STRIP2: variants seen among roughly 807,000 people sequenced by gnomAD.
The protein encoded by STRIP2 is striatin interacting protein 2, also known as striatin-interacting protein 2.
In STRIP2, 84 loss-of-function variants were observed where a neutral mutation model predicts 107.1. That is an observed-to-expected ratio of 0.78 (90% confidence interval 0.66 to 0.94). The LOEUF is 0.94. STRIP2 is among the 40% of genes least tolerant of loss of function. The probability of loss-of-function intolerance (pLI) is 0.00; values close to 1 mark genes in which losing one functional copy is unlikely to be tolerated. For synonymous variants in STRIP2, 394 were observed against 400.4 expected (o/e 0.98, Z 0.19); for missense variants, 888 against 1,034.2 (o/e 0.86, Z 1.94).
intron 16 of STRIP2, 73 bp downstream of exon 16, chr7:129,464,811 A>G (rs1392520029): frequency 1.3e-6 from 2 of 1,591,682 alleles, no homozygotes; most frequent in Non-Finnish European, 1.7e-6. Flanking sequence ...GAAGGATGCA[A>G]AGTCCCTTTT....
chr7:129,475,572 TTA>T lies in STRIP2; in HGVS notation c.1944+4859_1944+4860del, dbSNP rs1491006623. Among the ~76,000 whole-genome samples the T allele has an allele frequency of 5.8e-5, 7 of 121,204 alleles. No homozygotes were observed. In the South Asian group the frequency reaches 1.3e-3, roughly 22 times the overall value. 79.5% of individuals were successfully genotyped at this position (121,204 alleles called of 152,430 possible). A position where few individuals can be genotyped will look rare whatever the true frequency, so the allele number is the denominator to read the frequency against. On this transcript the variant is annotated intron_variant, in intron 18 of 20. Coordinates refer to ENST00000249344, the MANE Select transcript of STRIP2 (RefSeq NM_020704.3). Reference sequence around the variant, plus strand: ...TTTTTTCTTTTTTTTTTTTTTCTTTTTATTTTTTTTTATTGATCATTCTTGGG... The same window carrying T: ...TTTTTTCTTTTTTTTTTTTTTCTTTTTTTTTTTTTATTGATCATTCTTGGG...
intron 20 of STRIP2, among the ~76,000 whole-genome samples, chr7:129,485,308 T>G (rs1355479770): frequency 6.6e-6 from 1 of 152,146 alleles, no homozygotes; most frequent in East Asian, 1.9e-4. Context: ...CTCATTTCCT[T>G]TCTCATAGGT....
rs546295275 is a variant in STRIP2 at position 129,480,323 on chromosome 7, G to C, written c.1945-462G>C. Among the ~76,000 whole-genome samples, 6 of 152,250 alleles carry C rather than the reference G, an allele frequency of 3.9e-5. 1 individual carries two copies. Among genetic ancestry groups the C allele is most frequent in the Admixed American group, 2.6e-4 (4 of 15,304 alleles). On this transcript the variant is annotated intron_variant, in intron 18 of 20. Transcript: ENST00000249344. ...CTAACTGTAATATGGTTTGATAAAG[G>C]AGGGTGAAGGTTGATAAGATAAAAA... is the stretch of plus-strand genomic sequence containing the variant.
At chr7:129,454,115 C>T (rs1174269172) in intron 5 of STRIP2, 27 bp from the exon 6 acceptor site, 4 of 1,606,594 alleles carry the variant, frequency 2.5e-6, no homozygotes, top group Admixed American at 1.7e-5. Context: ...CTTATGCATT[C>T]CTGTTCTTTT....
chr7:129,444,195 C>A, intron 3 of STRIP2, 97 bp downstream of exon 3: 1 of 818,012 alleles, frequency 1.2e-6, no homozygotes, highest in Non-Finnish European at 2.0e-6. Context: ...GATCCTTCAT[C>A]CCCTCTGTAT....
At chr7:129,440,146 G>A (rs879278029) in intron 2 of STRIP2, 55 bp downstream of exon 2, 10 of 1,416,484 alleles carry the variant, frequency 7.1e-6, no homozygotes, top group African/African-American at 2.8e-5. Context: ...GGAGAGGGAA[G>A]GGGCCTGTGA....
At chr7:129,467,222 G>C in intron 16 of STRIP2, 128 bp from the exon 17 acceptor site, 1 of 688,684 alleles carries the variant, frequency 1.5e-6, no homozygotes, top group Non-Finnish European at 2.5e-6. Flanking sequence ...CAGGAAGACT[G>C]ATAACACAAG....
At position 129,458,217 on chromosome 7, in the gene STRIP2, A is replaced by G. The variant is rs367906523; in HGVS notation, c.1041A>G (p.Gln347=). The change falls in exon 10 of 21, where the codon CAA becomes CAG. Residue 347 remains glutamine (Q), a splice_region_variant and synonymous_variant. Transcript: ENST00000249344. This position sits in a 1 kb window ranked among gnomAD's most constrained non-coding sequence, Gnocchi z 4.6. ...KLRGRRGSRR[Q]LLTKQDSLDI... ...ACCCTCCCTTCTTTCCCCTCCAGCA[A>G]CTCCTCACTAAGCAGGACAGCCTGG... is the stretch of plus-strand genomic sequence containing the variant. 21 of 1,613,372 alleles carry G rather than the reference A, an allele frequency of 1.3e-5. No homozygotes were observed. The highest frequency in any genetic ancestry group is 2.7e-5 in the African/African-American group (2 of 74,842).
intron 13 of STRIP2, 62 bp from the exon 14 acceptor site, chr7:129,462,904 G>T: frequency 7.0e-7 from 1 of 1,433,880 alleles, no homozygotes; most frequent in South Asian, 1.2e-5. Flanking sequence ...TCACAACCAA[G>T]AAAAAAAAGC....
At position 129,459,518 on chromosome 7, in the gene STRIP2, G is replaced by A. The variant is rs1562905901; in HGVS notation, c.1342G>A (p.Asp448Asn). The stretch of plus-strand genomic sequence containing the variant: ...TCTGGTATGTCTGGCCTTTTACAGG[G>A]ACACAGATACATTGGTTGGATTACC... ...NKFIGFTLGQDTDTLVGLPRP... is the reference protein window; with the variant it reads ...NKFIGFTLGQNTDTLVGLPRP... The change falls in exon 12 of 21, where the codon GAC becomes AAC. Residue 448 changes from aspartate to asparagine, a missense_variant and splice_region_variant. Asp to Asn is a conservative substitution (Grantham distance 23). Transcript: ENST00000249344. 8.1e-6 allele frequency: 13 copies of A among 1,613,814 alleles called. No individual in the cohort carries two copies. The East Asian group carries it at 2.9e-4, about 36-fold the overall frequency.
At chr7:129,455,133 T>C in intron 7 of STRIP2, 111 bp from the exon 8 acceptor site, 1 of 1,312,220 alleles carries the variant, frequency 7.6e-7, no homozygotes, top group East Asian at 2.6e-5. Context: ...ACTCTGGTAT[T>C]CTTCAGGGGA....
chr7:129,487,945 C>T lies in STRIP2; in HGVS notation c.*2116C>T, dbSNP rs1029367984. 1 of 152,164 alleles carries T rather than the reference C, an allele frequency of 6.6e-6. No individual in the cohort carries two copies. The highest frequency in any genetic ancestry group is 1.5e-5 in the Non-Finnish European group (1 of 68,028). The allele number at this position is 152,164 out of a possible 1,614,324, so 9.4% of individuals were successfully genotyped here. A position where few individuals can be genotyped will look rare whatever the true frequency, so the allele number is the denominator to read the frequency against. ...TCTAAGGGAAGGTTACTTCTCAGTG[C>T]AGATGGAGAAACTGAAGCACTAAGG... is the stretch of plus-strand genomic sequence containing the variant. On this transcript the variant is annotated 3_prime_UTR_variant, in exon 21 of 21. Coordinates refer to ENST00000249344, the MANE Select transcript of STRIP2 (RefSeq NM_020704.3).
rs1554385257 is a variant in STRIP2 at position 129,480,899 on chromosome 7, G to GT, written c.2049+16dup. Reference sequence around the variant, plus strand: ...ACATTCCCGGACCATGGTGAGTGTGGTTTTTTACATCATGGAGTTGTCCAT... The same window carrying GT: ...ACATTCCCGGACCATGGTGAGTGTGGTTTTTTTACATCATGGAGTTGTCCAT... On this transcript the variant is annotated intron_variant, in intron 19 of 20. Transcript: ENST00000249344. The GT allele has an allele frequency of 5.6e-6, 9 of 1,598,648 alleles. No individual in the cohort carries two copies. The highest frequency in any genetic ancestry group is 2.2e-5 in the East Asian group (1 of 44,660).
intron 7 of STRIP2, 27 bp from the exon 8 acceptor site, chr7:129,455,217 C>T: frequency 6.3e-7 from 1 of 1,590,886 alleles, no homozygotes; most frequent in East Asian, 2.3e-5. Flanking sequence ...TCCTCACTTT[C>T]TCACTCCCCT....
At chr7:129,462,201 C>T (rs1257254453) in intron 13 of STRIP2, among the ~76,000 whole-genome samples, 4 of 152,166 alleles carry the variant, frequency 2.6e-5, no homozygotes, top group Non-Finnish European at 4.4e-5. Flanking sequence ...GCCAGGATTG[C>T]CAGGCTCTGT....
intron 8 of STRIP2, among the ~76,000 whole-genome samples, 193 bp from the exon 9 acceptor site, chr7:129,456,246 C>T (rs1798349115): frequency 6.6e-6 from 1 of 151,520 alleles, no homozygotes; most frequent in African/African-American, 2.4e-5. Flanking sequence ...TATCCTGACC[C>T]CTGAGCTCCT....
intron 3 of STRIP2, among the ~76,000 whole-genome samples, chr7:129,447,883 T>A (rs1027358948): frequency 6.6e-6 from 1 of 152,248 alleles, no homozygotes; most frequent in Admixed American, 6.5e-5. Flanking sequence ...ACAGGTCAAA[T>A]GCGAGAGTTG....
chr7:129,454,470 C>T lies in STRIP2; in HGVS notation c.649C>T (p.Arg217Ter), dbSNP rs200516125. The change falls in exon 7 of 21, where the codon CGA becomes TGA. Residue 217 changes from arginine to a stop codon, truncating the protein, a stop_gained. Coordinates refer to ENST00000249344, the MANE Select transcript of STRIP2 (RefSeq NM_020704.3). LOFTEE classifies it high-confidence loss of function. ...AATGGTGGAAAATATTCGCCTGGAG[C>T]GAGAGACAGACCCCTGTGGGTGGAG... ...YLMVENIRLERETDPCGWRTA... is the reference protein window; with the variant it reads ...YLMVENIRLE The T allele has an allele frequency of 7.4e-6, 12 of 1,614,014 alleles. No homozygotes were observed. The highest frequency in any genetic ancestry group is 5.0e-5 in the Admixed American group (3 of 60,016).
chr7:129,482,759 A>G (rs1271974318), intron 19 of STRIP2, 83 bp from the exon 20 acceptor site: 5 of 1,509,682 alleles, frequency 3.3e-6, no homozygotes, highest in Non-Finnish European at 4.6e-6. Flanking sequence ...TTCTGAGGCT[A>G]GCTAGGTTTG....
Sources: allele counts gnomAD v4.1 joint callset (sites outside exome capture counted in the v4.1 genomes callset), GRCh38; gene constraint gnomAD v4.1.1; non-coding constraint Gnocchi (gnomAD v3.1); transcripts MANE v1.5; gene names NCBI Gene and HGNC (gene_info 2026-07-23, HGNC 2026-07-21).